TUBGCP6: variants seen among roughly 807,000 people sequenced by gnomAD.
The protein encoded by TUBGCP6 is tubulin gamma complex component 6.
TUBGCP6 carries 161 observed loss-of-function variants against 175.8 expected under a neutral mutation model. The observed-to-expected ratio is 0.92, with a 90% CI of 0.81 to 1.04. The LOEUF is 1.04. Ranked by LOEUF, TUBGCP6 falls within the 50% of genes least tolerant of loss-of-function variation. TUBGCP6 has a pLI of 0.00. For synonymous variants in TUBGCP6, 1,173 were observed against 1,030.5 expected (o/e 1.14, Z -2.65); for missense variants, 2,572 against 2,433.0 (o/e 1.06, Z -1.20).
At chr22:50,222,234 G>C (rs534981615) in intron 14 of TUBGCP6, 132 bp from the exon 15 acceptor site, 1 of 1,181,596 alleles carries the variant, frequency 8.5e-7, no homozygotes, top group African/African-American at 1.5e-5. Context: ...CTGGGCTCCA[G>C]TGGGACGCTG....
At chr22:50,228,140 G>A in intron 4 of TUBGCP6, 112 bp from the exon 5 acceptor site, 1 of 1,302,256 alleles carries the variant, frequency 7.7e-7, no homozygotes, top group South Asian at 1.6e-5. Context: ...CCTCAGCTCT[G>A]GGCTCCATTT....
intron 2 of TUBGCP6, among the ~76,000 whole-genome samples, chr22:50,236,984 G>A (rs1033935588): frequency 6.6e-6 from 1 of 152,154 alleles, no homozygotes; most frequent in African/African-American, 2.4e-5. Context: ...AAGACACAGC[G>A]CAGGATCCTG....
chr22:50,225,054 C>CT, intron 10 of TUBGCP6, among the ~76,000 whole-genome samples: 1 of 142,914 alleles, frequency 7.0e-6, no homozygotes, highest in African/African-American at 2.6e-5. Flanking sequence ...GGACACCGCC[C>CT]CCCCGCCCAC....
At chr22:50,225,583 C>CG (rs1298804196) in intron 10 of TUBGCP6, among the ~76,000 whole-genome samples, 8 of 96,308 alleles carry the variant, frequency 8.3e-5, no homozygotes, top group Admixed American at 6.3e-4. Context: ...TCAGCTCCCC[C>CG]TTGGCACCCA....
rs755270313 is a variant in TUBGCP6, at chr22:50,225,842, C to T, written c.1935G>A (p.Gly645=). 11 of 1,613,834 alleles carry T rather than the reference C, an allele frequency of 6.8e-6. No individual in the cohort carries two copies. Among genetic ancestry groups the T allele is most frequent in the Middle Eastern group, 1.6e-4 (1 of 6,062 alleles). Residue 645 remains glycine (G), a synonymous_variant, in exon 10 of 25, where the codon GGG becomes GGA. Coordinates refer to ENST00000248846, the MANE Select transcript of TUBGCP6 (RefSeq NM_020461.4). ...EIEKDCAVYV[G]RMERVARHSS... is the part of the protein sequence containing the mutation. Reference sequence around the variant, plus strand: ...TGTGGCGGGCCACCCTCTCCATGCGCCCAACGTAGACGGCACAGTCCTTCT... The same window carrying T: ...TGTGGCGGGCCACCCTCTCCATGCGTCCAACGTAGACGGCACAGTCCTTCT...
intron 1 of TUBGCP6, among the ~76,000 whole-genome samples, chr22:50,241,850 G>C (rs892213788): frequency 2.6e-5 from 4 of 152,106 alleles, no homozygotes; most frequent in Non-Finnish European, 4.4e-5. Flanking sequence ...GTTGGTGGTA[G>C]TGATCCCCCG....
At position 50,244,358 on chromosome 22, in the gene TUBGCP6, C is replaced by T; in HGVS notation, c.102G>A (p.Lys34=). Residue 34 remains lysine (K), a synonymous_variant, in exon 1 of 25, where the codon AAG becomes AAA. Coordinates refer to ENST00000248846, the MANE Select transcript of TUBGCP6 (RefSeq NM_020461.4). ...GQRSVNRKRA[K]RSLKKVAYNA... Reference sequence around the variant, plus strand: ...TGTAGGCCACCTTCTTGAGGCTCCGCTTTGCCCTCTTCCGGTTCACACTGC... The same window carrying T: ...TGTAGGCCACCTTCTTGAGGCTCCGTTTTGCCCTCTTCCGGTTCACACTGC... 1 of 1,613,448 alleles carries T rather than the reference C, an allele frequency of 6.2e-7. No individual in the cohort carries two copies. Among genetic ancestry groups the T allele is most frequent in the Non-Finnish European group, 8.5e-7 (1 of 1,180,036 alleles).
rs1229992610 is a variant in TUBGCP6, at chr22:50,224,229, G to C, written c.2182C>G (p.Leu728Val). 4 of 1,613,996 alleles carry C rather than the reference G, an allele frequency of 2.5e-6. No individual in the cohort carries two copies. The highest frequency in any genetic ancestry group is 3.4e-6 in the Non-Finnish European group (4 of 1,180,038). ...CGGGCGTAGCTGAAGTCATCATCCA[G>C]CTCCTCCTGCCTGGCCGCCTGGCGT... ...ERRQAARQEE[L>V]DDDFSYAREL... The change falls in exon 13 of 25, where the codon CTG becomes GTG. Residue 728 changes from leucine (L) to valine (V), a missense_variant. Coordinates refer to ENST00000248846, the MANE Select transcript of TUBGCP6 (RefSeq NM_020461.4).
At chr22:50,223,374 C>CA (rs1386212065) in intron 13 of TUBGCP6, 1 of 152,390 alleles carries the variant, frequency 6.6e-6, no homozygotes. Flanking sequence ...TCCAAAACCC[C>CA]AAACAGCCCC....
chr22:50,226,637 AC>A, intron 7 of TUBGCP6, 95 bp downstream of exon 7: 10 of 1,120,596 alleles, frequency 8.9e-6, no homozygotes, highest in Middle Eastern at 2.8e-4. Flanking sequence ...TTCCTGTGTG[AC>A]CCCCACATTC....
chr22:50,223,974 A>G, intron 13 of TUBGCP6, 167 bp downstream of exon 13: 1 of 633,716 alleles, frequency 1.6e-6, no homozygotes, highest in South Asian at 1.9e-5. Context: ...ATGCCTGGAT[A>G]AGGCAGAACG....
Position 50,226,375 on chromosome 22 carries a change from G to GA in TUBGCP6, c.1604dup (p.Ile536HisfsTer31). On this transcript the variant is annotated frameshift_variant, in exon 8 of 25. Coordinates refer to ENST00000248846, the MANE Select transcript of TUBGCP6 (RefSeq NM_020461.4). LOFTEE classifies it high-confidence loss of function. Reference sequence around the variant, plus strand: ...CCCCGCTGTACACCCAGTCGTGGATGAACCTGCAGTGGGGGAAAAGCAGGG... The same window carrying GA: ...CCCCGCTGTACACCCAGTCGTGGATGAAACCTGCAGTGGGGGAAAAGCAGGG... 6.2e-7 allele frequency: 1 copy of GA among 1,605,296 alleles called. No individual in the cohort carries two copies. The highest frequency in any genetic ancestry group is 8.5e-7 in the Non-Finnish European group (1 of 1,175,806).
chr22:50,235,401 G>A (rs762721824), intron 2 of TUBGCP6, among the ~76,000 whole-genome samples: 39 of 59,632 alleles, frequency 6.5e-4, no homozygotes, highest in South Asian at 2.1e-3. Flanking sequence ...CCCAACAGAG[G>A]AGGATAAACA....
intron 5 of TUBGCP6, 147 bp from the exon 6 acceptor site, chr22:50,227,224 C>G (rs1405624858): frequency 1.2e-5 from 9 of 725,900 alleles, no homozygotes; most frequent in Admixed American, 2.8e-5. Context: ...GGCACCCCAA[C>G]CACCCAGAAA....
chr22:50,223,714 A>G (rs2064561874), intron 13 of TUBGCP6: 1 of 136,186 alleles, frequency 7.3e-6, no homozygotes, highest in Non-Finnish European at 1.5e-5. Flanking sequence ...TGGGAGGCGG[A>G]GGTTACAGTG....
At chr22:50,241,328 C>T (rs533584911) in intron 1 of TUBGCP6, among the ~76,000 whole-genome samples, 1 of 152,244 alleles carries the variant, frequency 6.6e-6, no homozygotes, top group East Asian at 1.9e-4. Context: ...GGAAGACGCC[C>T]ATTACCTAGC....
In TUBGCP6 at chr22:50,233,504, G is replaced by C. The variant is rs775647097; in HGVS notation, c.928C>G (p.Pro310Ala). The C allele has an allele frequency of 5.0e-6, 8 of 1,607,898 alleles. No individual in the cohort carries two copies. The highest frequency in any genetic ancestry group is 1.1e-5 in the South Asian group (1 of 90,156). The change falls in exon 3 of 25, where the codon CCT (proline) becomes GCT (alanine). Residue 310 changes from proline (P) to alanine (A), a missense_variant. Transcript: ENST00000248846. ...TCCCTTCCCGCCTCCGTCAGGTAAGGCTCCTCTCTGTGGCCAGGGGGGCTG... is the reference window on the plus strand; with the variant it reads ...TCCCTTCCCGCCTCCGTCAGGTAAGCCTCCTCTCTGTGGCCAGGGGGGCTG... Reference protein sequence around the residue: ...VGCPPGHREEPYLTEAGRDAF... With the variant: ...VGCPPGHREEAYLTEAGRDAF...
At chr22:50,239,008 T>C (rs1257197338) in intron 2 of TUBGCP6, among the ~76,000 whole-genome samples, 1 of 152,174 alleles carries the variant, frequency 6.6e-6, no homozygotes, top group Non-Finnish European at 1.5e-5. Context: ...CACATGCTCC[T>C]GTCCAGGCTG....
Position 50,222,490 on chromosome 22 carries a change from C to G in TUBGCP6, c.2373G>C (p.Arg791=). The G allele has an allele frequency of 1.2e-6, 2 of 1,613,860 alleles. No homozygotes were observed. Among genetic ancestry groups the G allele is most frequent in the Non-Finnish European group, 1.7e-6 (2 of 1,180,038 alleles). The part of the protein sequence containing the change: ...RIQRHRLESA[R]LRFLLEDEKH... Reference sequence around the variant, plus strand: ...TCTCATCTTCTAAGAGAAAACGAAGCCGTGCACTCTCCAGTCGGTGCCTCT... The same window carrying G: ...TCTCATCTTCTAAGAGAAAACGAAGGCGTGCACTCTCCAGTCGGTGCCTCT... The change falls in exon 14 of 25, where the codon CGG becomes CGC. Residue 791 remains arginine, a synonymous_variant. Coordinates refer to ENST00000248846, the MANE Select transcript of TUBGCP6 (RefSeq NM_020461.4).
Sources: gnomAD v4.1 joint callset for allele counts (sites outside exome capture counted in the v4.1 genomes callset) on GRCh38, gnomAD v4.1.1 for gene constraint, MANE v1.5 for transcripts, NCBI Gene and HGNC (gene_info 2026-07-23, HGNC 2026-07-21) for gene names.